PTPRD: variants seen among roughly 807,000 people sequenced by gnomAD.
The protein encoded by PTPRD is protein tyrosine phosphatase receptor type D.
A neutral mutation model predicts 214.5 loss-of-function variants in PTPRD; 34 were observed. The observed-to-expected ratio is 0.16, with a 90% CI of 0.12 to 0.21. The LOEUF (loss-of-function observed/expected upper bound fraction) is 0.21, where lower values mean the gene tolerates loss of function less well. Among genes scored for constraint, PTPRD ranks in the 10% least tolerant of loss-of-function variants. PTPRD has a pLI of 1.00. For synonymous variants in PTPRD, 1,128 were observed against 845.7 expected (o/e 1.33, Z -5.79); for missense variants, 2,545 against 2,398.7 (o/e 1.06, Z -1.27).
At chr9:9,942,451 A>G (rs768422073) in intron 4 of PTPRD, among the ~76,000 whole-genome samples, 1 of 152,158 alleles carries the variant, frequency 6.6e-6, no homozygotes, top group Non-Finnish European at 1.5e-5. Context: ...TTTATAATAA[A>G]TTACTATTTA....
In PTPRD at chr9:10,290,488, C is replaced by G. The variant is rs898168155; in HGVS notation, c.-545+50475G>C. Among the ~76,000 whole-genome samples the G allele has an allele frequency of 2.0e-5, 3 of 152,124 alleles. No homozygotes were observed. In the East Asian group the frequency reaches 5.8e-4, roughly 29 times the overall value. The stretch of plus-strand genomic sequence containing the variant: ...AAGCTGTAGTTGTATCACAGTGCAG[C>G]TTAATTCTGGAAAGCTTCTCTTTTA... On this transcript the variant is annotated intron_variant, in intron 3 of 45. Coordinates refer to ENST00000381196, the MANE Select transcript of PTPRD (RefSeq NM_002839.4).
intron 5 of PTPRD, among the ~76,000 whole-genome samples, chr9:9,931,245 G>C (rs2086396398): frequency 6.6e-6 from 1 of 152,196 alleles, no homozygotes; most frequent in Admixed American, 6.5e-5. Context: ...AATAGGAACA[G>C]CTCCGGTCTA....
At chr9:9,806,148 G>A (rs1259770095) in intron 5 of PTPRD, among the ~76,000 whole-genome samples, 1 of 152,130 alleles carries the variant, frequency 6.6e-6, no homozygotes, top group East Asian at 1.9e-4. Flanking sequence ...TGTTAGAGTA[G>A]GTAGGCAGCC....
intron 12 of PTPRD, among the ~76,000 whole-genome samples, chr9:8,645,260 A>G (rs2096662724): frequency 6.6e-6 from 1 of 152,216 alleles, no homozygotes; most frequent in Non-Finnish European, 1.5e-5. Context: ...ATCCAATTGA[A>G]ATCAGAGATT....
intron 8 of PTPRD, among the ~76,000 whole-genome samples, chr9:9,460,531 G>C (rs1030872131): frequency 2.0e-5 from 3 of 152,092 alleles, no homozygotes; most frequent in Admixed American, 2.0e-4. Context: ...GACATGAACA[G>C]ACACTTCTCA....
At chr9:9,078,853 G>A (rs974825632) in intron 10 of PTPRD, among the ~76,000 whole-genome samples, 5 of 152,024 alleles carry the variant, frequency 3.3e-5, no homozygotes, top group African/African-American at 1.2e-4. Context: ...AATAATAACT[G>A]TACATATTTA....
chr9:10,104,010 T>A (rs537725815), intron 3 of PTPRD, among the ~76,000 whole-genome samples: 17 of 151,778 alleles, frequency 1.1e-4, no homozygotes, highest in African/African-American at 3.9e-4. Context: ...TTCTGACACA[T>A]ACCACCATGT....
intron 10 of PTPRD, among the ~76,000 whole-genome samples, chr9:9,155,098 G>C (rs2099880088): frequency 6.6e-6 from 1 of 152,292 alleles, no homozygotes; most frequent in East Asian, 1.9e-4. Context: ...AGCAATATCA[G>C]TTTCTTATGT....
At chr9:10,467,528 A>G (rs1163419843) in intron 2 of PTPRD, among the ~76,000 whole-genome samples, 2 of 152,210 alleles carry the variant, frequency 1.3e-5, no homozygotes, top group Non-Finnish European at 2.9e-5. Context: ...ATCAAGGGGA[A>G]ACTGCATGCA....
At chr9:9,105,857 TAAAGA>T (rs1382620096) in intron 10 of PTPRD, among the ~76,000 whole-genome samples, 2 of 152,122 alleles carry the variant, frequency 1.3e-5, no homozygotes, top group African/African-American at 4.8e-5. Context: ...ATTTTAACTG[TAAAGA>T]AAAGAATCCA....
At chr9:8,596,232 C>T (rs2094468899) in intron 14 of PTPRD, among the ~76,000 whole-genome samples, 1 of 151,540 alleles carries the variant, frequency 6.6e-6, no homozygotes, top group Admixed American at 6.6e-5. Context: ...AATAATACTC[C>T]ATCACATAAA....
intron 44 of PTPRD, among the ~76,000 whole-genome samples, chr9:8,331,245 G>T (rs909284522): frequency 6.6e-6 from 1 of 151,934 alleles, no homozygotes; most frequent in Non-Finnish European, 1.5e-5. Flanking sequence ...TCAGTGCATT[G>T]CTATGAAAGC....
chr9:10,204,735 G>C (rs906417601), intron 3 of PTPRD, among the ~76,000 whole-genome samples: 1 of 152,040 alleles, frequency 6.6e-6, no homozygotes, highest in Non-Finnish European at 1.5e-5. Flanking sequence ...TGAGAATAAA[G>C]CGTATATTCA....
intron 3 of PTPRD, among the ~76,000 whole-genome samples, chr9:10,093,583 C>A (rs1163380838): frequency 6.6e-6 from 1 of 151,426 alleles, no homozygotes. Flanking sequence ...CTAGTAATCC[C>A]ATTACTGGGT....
chr9:9,601,351 G>A (rs1252843448), intron 7 of PTPRD, among the ~76,000 whole-genome samples: 17 of 151,970 alleles, frequency 1.1e-4, no homozygotes. Flanking sequence ...CAGGAACAGT[G>A]ACCTTCACAT....
At chr9:9,085,436 G>A (rs935487410) in intron 10 of PTPRD, among the ~76,000 whole-genome samples, 2 of 152,262 alleles carry the variant, frequency 1.3e-5, no homozygotes, top group South Asian at 4.1e-4. Context: ...GCTTTGACGG[G>A]TACTAATGGA....
At chr9:10,026,621 C>T (rs568761509) in intron 4 of PTPRD, among the ~76,000 whole-genome samples, 1 of 152,120 alleles carries the variant, frequency 6.6e-6, no homozygotes, top group Non-Finnish European at 1.5e-5. Context: ...CACCTGCCAT[C>T]ACAAGGGGGC....
chr9:9,277,349 C>G (rs904098425), intron 9 of PTPRD, among the ~76,000 whole-genome samples: 1 of 151,274 alleles, frequency 6.6e-6, no homozygotes, highest in Non-Finnish European at 1.5e-5. Flanking sequence ...TGTTACATCT[C>G]ACTATCTGGT....
At chr9:9,492,098 G>A (rs1423246008) in intron 8 of PTPRD, among the ~76,000 whole-genome samples, 1 of 151,934 alleles carries the variant, frequency 6.6e-6, no homozygotes, top group East Asian at 1.9e-4. Context: ...AGGATTATAA[G>A]AGAATACTAT....
Sources: gnomAD v4.1 joint callset for allele counts (sites outside exome capture counted in the v4.1 genomes callset) on GRCh38, gnomAD v4.1.1 for gene constraint, MANE v1.5 for transcripts, NCBI Gene and HGNC (gene_info 2026-07-23, HGNC 2026-07-21) for gene names.